The following CLSTN2 variants were observed in gnomAD, a reference collection of about 807,000 sequenced individuals.
CLSTN2 encodes the protein calsyntenin 2.
CLSTN2 carries 48 observed loss-of-function variants against 101.2 expected under a neutral mutation model. The observed-to-expected ratio is 0.47, with a 90% CI of 0.38 to 0.60. The LOEUF is 0.60. Among genes scored for constraint, CLSTN2 ranks in the 20% least tolerant of loss-of-function variants. The pLI, the probability that CLSTN2 is intolerant of heterozygous loss-of-function variation, is 0.00. For missense variants in CLSTN2, 1,160 were observed against 1,238.2 expected (o/e 0.94, Z 0.95); for synonymous variants, 481 against 463.6 (o/e 1.04, Z -0.48).
intron 2 of CLSTN2, among the ~76,000 whole-genome samples, chr3:140,224,690 A>G (rs2086303556): frequency 6.6e-6 from 1 of 152,164 alleles, no homozygotes; most frequent in Non-Finnish European, 1.5e-5. Flanking sequence ...AATAATATAG[A>G]CCTTCTGTGC....
chr3:140,481,914 T>A (rs1934125102), intron 8 of CLSTN2, among the ~76,000 whole-genome samples: 1 of 152,226 alleles, frequency 6.6e-6, no homozygotes, highest in African/African-American at 2.4e-5. Context: ...TTTGACTTCC[T>A]CTTTTCCTAA....
intron 8 of CLSTN2, among the ~76,000 whole-genome samples, chr3:140,498,959 TG>T (rs994697571): frequency 4.9e-5 from 7 of 143,676 alleles, no homozygotes; most frequent in African/African-American, 1.2e-4. Context: ...AGCACTTGAA[TG>T]TTTTTTTTTT....
intron 1 of CLSTN2, among the ~76,000 whole-genome samples, chr3:140,170,753 C>G (rs2010198573): frequency 6.6e-6 from 1 of 152,146 alleles, no homozygotes. Flanking sequence ...GGTGGTAAGT[C>G]TGAGTAATGA....
At chr3:140,190,932 C>A (rs546052092) in intron 2 of CLSTN2, among the ~76,000 whole-genome samples, 1 of 152,092 alleles carries the variant, frequency 6.6e-6, no homozygotes, top group East Asian at 1.9e-4. Flanking sequence ...TTTATACTGA[C>A]TAGAACTTCC....
intron 1 of CLSTN2, among the ~76,000 whole-genome samples, chr3:140,036,882 T>C (rs72981862): frequency 0.12 from 18,754 of 152,156 alleles, 1,511 homozygotes; most frequent in African/African-American, 0.22. Flanking sequence ...TTGTATATTG[T>C]ATATACTAAA....
intron 6 of CLSTN2, among the ~76,000 whole-genome samples, chr3:140,459,060 G>A (rs757755555): frequency 3.9e-5 from 6 of 152,130 alleles, no homozygotes; most frequent in Admixed American, 1.3e-4. Flanking sequence ...TGCTGGCTCT[G>A]AACTGTGTCT....
chr3:139,943,933 A>T (rs940823857), intron 1 of CLSTN2, among the ~76,000 whole-genome samples: 1 of 152,192 alleles, frequency 6.6e-6, no homozygotes, highest in African/African-American at 2.4e-5. Context: ...AAACCTGTCC[A>T]GGGAAGCCCC....
At chr3:140,074,586 G>A (rs1399902197) in intron 1 of CLSTN2, among the ~76,000 whole-genome samples, 1 of 152,192 alleles carries the variant, frequency 6.6e-6, no homozygotes, top group South Asian at 2.1e-4. Flanking sequence ...AATACTCAAT[G>A]CAGCTGAGTA....
intron 6 of CLSTN2, among the ~76,000 whole-genome samples, chr3:140,458,056 C>T (rs762782531): frequency 6.6e-6 from 1 of 152,194 alleles, no homozygotes; most frequent in Non-Finnish European, 1.5e-5. Flanking sequence ...TGATGATCTC[C>T]TCCACAGATG....
At chr3:140,545,377 G>C (rs1935566168) in intron 9 of CLSTN2, among the ~76,000 whole-genome samples, 1 of 152,196 alleles carries the variant, frequency 6.6e-6, no homozygotes, top group Non-Finnish European at 1.5e-5. Context: ...AGGCATTGGG[G>C]AAGCTGAAGG....
intron 2 of CLSTN2, among the ~76,000 whole-genome samples, chr3:140,206,975 A>T (rs2010792305): frequency 6.6e-6 from 1 of 152,128 alleles, no homozygotes. Flanking sequence ...TGGTACATTC[A>T]GCATTTGGTA....
At chr3:140,557,807 T>A (rs1053814113) in intron 11 of CLSTN2, among the ~76,000 whole-genome samples, 2 of 152,202 alleles carry the variant, frequency 1.3e-5, no homozygotes, top group African/African-American at 4.8e-5. Context: ...TACATCTAGA[T>A]GACCAGGGGA....
At chr3:140,135,105 C>CAG (rs2009589677) in intron 1 of CLSTN2, among the ~76,000 whole-genome samples, 2 of 53,302 alleles carry the variant, frequency 3.8e-5, no homozygotes, top group Non-Finnish European at 7.3e-5. Context: ...CACACACACA[C>CAG]ACACACACAC....
intron 9 of CLSTN2, among the ~76,000 whole-genome samples, chr3:140,533,405 G>A (rs78142213): frequency 0.01 from 1,560 of 152,220 alleles, 25 homozygotes; most frequent in African/African-American, 0.035. Flanking sequence ...GGATAGAGGT[G>A]GGCTATAGTA....
intron 8 of CLSTN2, among the ~76,000 whole-genome samples, chr3:140,520,144 G>A (rs1037408300): frequency 6.6e-6 from 1 of 152,136 alleles, no homozygotes; most frequent in Non-Finnish European, 1.5e-5. Flanking sequence ...GTATCTTCTG[G>A]CTTGTAGGGT....
intron 9 of CLSTN2, among the ~76,000 whole-genome samples, chr3:140,532,867 G>T (rs1395285258): frequency 6.6e-6 from 1 of 152,136 alleles, no homozygotes; most frequent in African/African-American, 2.4e-5. Flanking sequence ...AGGAACCAAG[G>T]ATCTCCCTTT....
intron 2 of CLSTN2, among the ~76,000 whole-genome samples, chr3:140,207,689 A>G (rs2010801702): frequency 6.6e-6 from 1 of 152,158 alleles, no homozygotes; most frequent in Admixed American, 6.5e-5. Flanking sequence ...ATCTTGATGC[A>G]CTTGTTTGAT....
At chr3:139,952,088 G>GA (rs1935305328) in intron 1 of CLSTN2, among the ~76,000 whole-genome samples, 1 of 152,156 alleles carries the variant, frequency 6.6e-6, no homozygotes, top group Admixed American at 6.5e-5. Context: ...ATTTAATGGG[G>GA]AATGGTATAG....
intron 2 of CLSTN2, among the ~76,000 whole-genome samples, chr3:140,398,702 A>T (rs915027675): frequency 6.6e-6 from 1 of 152,244 alleles, no homozygotes; most frequent in African/African-American, 2.4e-5. Flanking sequence ...GTGACCTTGG[A>T]TGAACACGTA....
Sources: allele counts gnomAD v4.1 joint callset (sites outside exome capture counted in the v4.1 genomes callset), GRCh38; gene constraint gnomAD v4.1.1; transcripts MANE v1.5; gene names NCBI Gene and HGNC (gene_info 2026-07-23, HGNC 2026-07-21).